MGAT4C: variants seen among roughly 807,000 people sequenced by gnomAD.
MGAT4C encodes MGAT4 family member C, also known as alpha-1,3-mannosyl-glycoprotein 4-beta-N-acetylglucosaminyltransferase C.
A neutral mutation model predicts 40.1 loss-of-function variants in MGAT4C; 19 were observed. The ratio of observed to expected loss-of-function variants is 0.47; its 90% CI spans 0.33 to 0.70. The LOEUF is 0.70. MGAT4C is among the 30% of genes least tolerant of loss of function. The pLI, the probability that MGAT4C is intolerant of heterozygous loss-of-function variation, is 0.02. For synonymous variants in MGAT4C, 181 were observed against 187.1 expected, an observed-to-expected ratio of 0.97 and a Z score of 0.27; for missense variants, 491 against 563.2, an observed-to-expected ratio of 0.87 and a Z score of 1.30.
At chr12:86,046,086 A>T (rs1374015377) in intron 2 of MGAT4C, among the ~76,000 whole-genome samples, 1 of 152,200 alleles carries the variant, frequency 6.6e-6, no homozygotes, top group Non-Finnish European at 1.5e-5. Context: ...AATGGAGTTA[A>T]ATCATTTGAA....
chr12:86,442,190 T>A (rs2136279276), intron 2 of MGAT4C, among the ~76,000 whole-genome samples: 1 of 152,338 alleles, frequency 6.6e-6, no homozygotes, highest in South Asian at 2.1e-4. Flanking sequence ...TTGATGGGAT[T>A]GTTTGATTTT....
At chr12:86,512,905 T>G (rs1334788248) in intron 2 of MGAT4C, among the ~76,000 whole-genome samples, 1 of 152,166 alleles carries the variant, frequency 6.6e-6, no homozygotes, top group Non-Finnish European at 1.5e-5. Context: ...AAAATTATTT[T>G]TAAAGGGTAG....
intron 2 of MGAT4C, among the ~76,000 whole-genome samples, chr12:86,472,603 T>A (rs1320873823): frequency 6.6e-6 from 1 of 152,052 alleles, no homozygotes; most frequent in Non-Finnish European, 1.5e-5. Context: ...CTATTATAGA[T>A]TTTTTTTCTT....
intron 2 of MGAT4C, among the ~76,000 whole-genome samples, chr12:86,662,072 T>C (rs1963992628): frequency 6.6e-6 from 1 of 152,198 alleles, no homozygotes; most frequent in South Asian, 2.1e-4. Flanking sequence ...TGGCATCTAA[T>C]CTACTTTTAA....
At chr12:86,359,389 T>A (rs954830065) in intron 3 of MGAT4C, among the ~76,000 whole-genome samples, 7 of 151,902 alleles carry the variant, frequency 4.6e-5, no homozygotes, top group Non-Finnish European at 4.4e-5. Context: ...GATCTAAAAT[T>A]GACACCCTAA....
At chr12:86,374,784 C>A (rs538755076) in intron 3 of MGAT4C, among the ~76,000 whole-genome samples, 1 of 152,188 alleles carries the variant, frequency 6.6e-6, no homozygotes. Flanking sequence ...TGAAGGCTTA[C>A]TACAATTACT....
At chr12:86,076,635 C>T (rs576315283) in intron 1 of MGAT4C, among the ~76,000 whole-genome samples, 5 of 152,152 alleles carry the variant, frequency 3.3e-5, no homozygotes, top group South Asian at 2.1e-4. Context: ...TCTTACAGGG[C>T]GGTGGCAAGA....
chr12:86,133,958 T>A (rs1881596578), intron 1 of MGAT4C, among the ~76,000 whole-genome samples: 1 of 152,040 alleles, frequency 6.6e-6, no homozygotes, highest in Non-Finnish European at 1.5e-5. Flanking sequence ...GAGATTTTAT[T>A]CCTAATTTTA....
At chr12:86,579,082 C>T (rs1465869491) in intron 2 of MGAT4C, among the ~76,000 whole-genome samples, 2 of 151,482 alleles carry the variant, frequency 1.3e-5, no homozygotes, top group Admixed American at 6.6e-5. Context: ...TTCTTGTAGG[C>T]TACAGATCAA....
intron 1 of MGAT4C, among the ~76,000 whole-genome samples, chr12:86,207,090 CTA>C (rs1950285877): frequency 7.3e-6 from 1 of 137,342 alleles, no homozygotes; most frequent in Non-Finnish European, 1.6e-5. Flanking sequence ...TAAACAGAAC[CTA>C]TGTTGGACCC....
intron 1 of MGAT4C, among the ~76,000 whole-genome samples, chr12:86,074,022 G>A (rs1869140543): frequency 6.6e-6 from 1 of 152,198 alleles, no homozygotes; most frequent in Middle Eastern, 3.4e-3. Context: ...TCATGGGAGG[G>A]ATCGGGGGAG....
intron 1 of MGAT4C, among the ~76,000 whole-genome samples, chr12:86,791,213 C>A (rs1403819225): frequency 6.6e-6 from 1 of 152,018 alleles, no homozygotes; most frequent in Admixed American, 6.6e-5. Context: ...CAAAAATTCT[C>A]TCTGAAAAGT....
At chr12:86,782,233 G>C (rs564028230) in intron 1 of MGAT4C, among the ~76,000 whole-genome samples, 32 of 131,326 alleles carry the variant, frequency 2.4e-4, no homozygotes, top group Non-Finnish European at 4.6e-4. Context: ...CCAGGCTGGA[G>C]TGCAGTGGCG....
At chr12:86,373,172 G>C (rs772823459) in intron 3 of MGAT4C, among the ~76,000 whole-genome samples, 1 of 151,902 alleles carries the variant, frequency 6.6e-6, no homozygotes, top group East Asian at 1.9e-4. Flanking sequence ...TATTAACTGC[G>C]TTCCTCATCT....
At chr12:86,347,017 G>T (rs990942735) in intron 3 of MGAT4C, among the ~76,000 whole-genome samples, 1 of 151,950 alleles carries the variant, frequency 6.6e-6, no homozygotes, top group Non-Finnish European at 1.5e-5. Flanking sequence ...AGGGGCTCTC[G>T]GGCCTTTGGG....
chr12:86,699,645 C>T (rs10745431), intron 2 of MGAT4C, among the ~76,000 whole-genome samples: 118,106 of 151,958 alleles, frequency 0.78, 47,248 homozygotes, highest in Middle Eastern at 0.88. Context: ...TATTAATAGC[C>T]TACTGTTGAC....
At chr12:86,104,109 A>G (rs577836502) in intron 1 of MGAT4C, among the ~76,000 whole-genome samples, 11 of 152,120 alleles carry the variant, frequency 7.2e-5, no homozygotes, top group African/African-American at 2.6e-4. Context: ...GGAGACACTA[A>G]TCCAAAGTTG....
intron 3 of MGAT4C, among the ~76,000 whole-genome samples, chr12:86,371,509 A>C (rs1262827465): frequency 1.3e-5 from 2 of 152,008 alleles, no homozygotes; most frequent in Non-Finnish European, 2.9e-5. Context: ...CCAGTGGTAG[A>C]ACACCCCTCA....
Position 85,972,309 on chromosome 12 carries a change from C to G in MGAT4C, c.*6980G>C, listed in dbSNP as rs1160933232. 1 of 150,782 alleles carries G rather than the reference C, an allele frequency of 6.6e-6. No individual in the cohort carries two copies. The highest frequency in any genetic ancestry group is 2.4e-5 in the African/African-American group (1 of 41,274). The allele number at this position is 150,782 out of a possible 1,614,324, so 9.3% of individuals were successfully genotyped here. ...GATTTTAATTTTTATTCAAAATGGACAACTTATTTATTATGTACTTCTACA... is the reference window on the plus strand; with the variant it reads ...GATTTTAATTTTTATTCAAAATGGAGAACTTATTTATTATGTACTTCTACA... On this transcript the variant is annotated 3_prime_UTR_variant, in exon 5 of 5. Transcript: ENST00000611864.
Sources: gnomAD v4.1 joint callset for allele counts (sites outside exome capture counted in the v4.1 genomes callset) on GRCh38, gnomAD v4.1.1 for gene constraint, MANE v1.5 for transcripts, NCBI Gene and HGNC (gene_info 2026-07-23, HGNC 2026-07-21) for gene names.